The following AADAT variants were observed in gnomAD, a reference collection of about 807,000 sequenced individuals.
AADAT encodes aminoadipate aminotransferase, also known as kynurenine/alpha-aminoadipate aminotransferase, mitochondrial.
Under a neutral mutation model 56.2 loss-of-function variants are expected in AADAT, and 25 were observed. The ratio of observed to expected loss-of-function variants is 0.44; its 90% CI spans 0.32 to 0.62. The LOEUF (loss-of-function observed/expected upper bound fraction) is 0.62, where lower values mean the gene tolerates loss of function less well. Among genes scored for constraint, AADAT ranks in the 20% least tolerant of loss-of-function variants. The pLI is 0.04. For synonymous variants in AADAT, 173 were observed against 164.7 expected (o/e 1.05, Z -0.39); for missense variants, 387 against 510.5 (o/e 0.76, Z 2.33).
chr4:170,076,773 T>C (rs1421815845), intron 4 of AADAT, among the ~76,000 whole-genome samples: 1 of 152,214 alleles, frequency 6.6e-6, no homozygotes, highest in Non-Finnish European at 1.5e-5. Flanking sequence ...TTTTTGGTCA[T>C]ATCTAAAAAA....
At chr4:170,087,302 T>C in intron 2 of AADAT, 54 bp from the exon 3 acceptor site, 1 of 1,514,284 alleles carries the variant, frequency 6.6e-7, no homozygotes, top group Non-Finnish European at 9.1e-7. Flanking sequence ...ATAGTAACAG[T>C]AGTAGACAGG....
intron 2 of AADAT, among the ~76,000 whole-genome samples, chr4:170,088,082 G>C (rs1282748417): frequency 6.6e-6 from 1 of 151,604 alleles, no homozygotes; most frequent in Non-Finnish European, 1.5e-5. Flanking sequence ...AGCTCTAATG[G>C]TATTTCCTTC....
At chr4:170,067,693 A>G (rs1731538901) in intron 8 of AADAT, among the ~76,000 whole-genome samples, 1 of 152,202 alleles carries the variant, frequency 6.6e-6, no homozygotes, top group Non-Finnish European at 1.5e-5. Flanking sequence ...GGGTTAAGTT[A>G]ACTTTTCTGA....
chr4:170,089,222 C>T (rs748567573), intron 1 of AADAT: 24 of 393,456 alleles, frequency 6.1e-5, no homozygotes, highest in South Asian at 4.3e-4. Flanking sequence ...TAGCCCCGAC[C>T]TGTCTGTGAG....
At chr4:170,085,465 A>G (rs1213906350) in intron 3 of AADAT, among the ~76,000 whole-genome samples, 1 of 152,218 alleles carries the variant, frequency 6.6e-6, no homozygotes, top group Non-Finnish European at 1.5e-5. Flanking sequence ...AGTGGAAGAA[A>G]TATTAAACCA....
intron 4 of AADAT, among the ~76,000 whole-genome samples, chr4:170,076,953 G>T (rs963663649): frequency 5.9e-5 from 9 of 152,154 alleles, no homozygotes; most frequent in Non-Finnish European, 1.2e-4. Context: ...CAGCACCACA[G>T]TTGAAGAGAC....
At chr4:170,089,442 C>A in intron 1 of AADAT, 182 bp downstream of exon 1, 1 of 681,140 alleles carries the variant, frequency 1.5e-6, no homozygotes, top group Non-Finnish European at 2.5e-6. Context: ...CCGTTTCAGC[C>A]CGAGTTCTTT....
chr4:170,088,673 G>A (rs567921146), intron 1 of AADAT, 109 bp from the exon 2 acceptor site: 35 of 1,127,386 alleles, frequency 3.1e-5, no homozygotes, highest in South Asian at 2.6e-4. Context: ...GATTTCTAGT[G>A]ATAGAGTGTG....
intron 3 of AADAT, among the ~76,000 whole-genome samples, chr4:170,083,046 A>G (rs1732389651): frequency 6.6e-6 from 1 of 151,036 alleles, no homozygotes; most frequent in Non-Finnish European, 1.5e-5. Context: ...TAATAGACCT[A>G]GTAGACAGTT....
At chr4:170,083,856 C>T (rs1166868710) in intron 3 of AADAT, among the ~76,000 whole-genome samples, 1 of 152,098 alleles carries the variant, frequency 6.6e-6, no homozygotes, top group Non-Finnish European at 1.5e-5. Context: ...AATAGAACTA[C>T]CATATAATCC....
At chr4:170,083,988 T>C (rs1368578493) in intron 3 of AADAT, among the ~76,000 whole-genome samples, 1 of 152,176 alleles carries the variant, frequency 6.6e-6, no homozygotes, top group East Asian at 1.9e-4. Context: ...CCAACCTAAG[T>C]GTCCATCAGC....
chr4:170,081,890 C>T (rs946448874), intron 3 of AADAT, among the ~76,000 whole-genome samples: 1 of 152,098 alleles, frequency 6.6e-6, no homozygotes, highest in Non-Finnish European at 1.5e-5. Context: ...GAGAAGCGAT[C>T]ATCCAAGAAT....
Position 170,089,864 on chromosome 4 carries a change from C to A in AADAT, c.-174G>T. On this transcript the variant is annotated 5_prime_UTR_variant, in exon 1 of 13. Coordinates refer to ENST00000337664, the MANE Select transcript of AADAT (RefSeq NM_016228.4). ...CGGTGCCCGGAGAACGCCGCCGAAA[C>A]TCCCCGGCTGGACGCTGCGTTCGGT... The A allele has an allele frequency of 1.6e-6, 1 of 642,946 alleles. No individual in the cohort carries two copies. The highest frequency in any genetic ancestry group is 1.8e-5 in the South Asian group (1 of 55,282). The allele number at this position is 642,946 out of a possible 1,614,324, so 39.8% of individuals were successfully genotyped here.
chr4:170,077,011 T>G (rs1732070079), intron 4 of AADAT, among the ~76,000 whole-genome samples: 1 of 152,198 alleles, frequency 6.6e-6, no homozygotes, highest in Non-Finnish European at 1.5e-5. Flanking sequence ...TGAAATCAAC[T>G]GGATTTGTGG....
chr4:170,089,133 A>C (rs2111220502), intron 1 of AADAT: 1 of 233,430 alleles, frequency 4.3e-6, no homozygotes, highest in South Asian at 5.1e-5. Context: ...GAGGGACTAA[A>C]GAATGAAGGT....
At position 170,087,413 on chromosome 4, in the gene AADAT, G is replaced by A. The variant is rs949009090; in HGVS notation, c.237-165C>T. ...AATATTCCTATTTAAAAGATAGGCA[G>A]TAGACTTAGAGATTAGGAAATTCCT... On this transcript the variant is annotated intron_variant, in intron 2 of 12. Transcript: ENST00000337664. Among the ~76,000 whole-genome samples the A allele has an allele frequency of 2.0e-4, 31 of 152,198 alleles. 1 individual carries two copies. The highest frequency in any genetic ancestry group is 3.4e-4 in the Non-Finnish European group (23 of 68,038).
chr4:170,060,829 A>C lies in AADAT; in HGVS notation c.*99T>G. ...CAGTGGTGTGATCGTAGCTTACTGC[A>C]GCCTTGAATTCCTGGGTTCAAGTGA... On this transcript the variant is annotated 3_prime_UTR_variant, in exon 13 of 13. Transcript: ENST00000337664. 1.0e-6 allele frequency: 1 copy of C among 996,794 alleles called. No individual in the cohort carries two copies. Among genetic ancestry groups the C allele is most frequent in the Admixed American group, 2.7e-5 (1 of 37,632 alleles). The allele number at this position is 996,794 out of a possible 1,614,324, so 61.7% of individuals were successfully genotyped here.
intron 5 of AADAT, 110 bp downstream of exon 5, chr4:170,073,026 A>G (rs1731849136): frequency 2.0e-6 from 2 of 998,288 alleles, no homozygotes; most frequent in South Asian, 3.5e-5. Context: ...ATTAAAAATT[A>G]TATTCCTTGA....
intron 5 of AADAT, among the ~76,000 whole-genome samples, chr4:170,072,219 G>GTGTA (rs1299179724): frequency 3.6e-4 from 54 of 152,028 alleles, no homozygotes; most frequent in African/African-American, 1.1e-3. Flanking sequence ...GACTGTGTGT[G>GTGTA]TGTATGTGTG....
Sources: gnomAD v4.1 joint callset for allele counts (sites outside exome capture counted in the v4.1 genomes callset) on GRCh38, gnomAD v4.1.1 for gene constraint, MANE v1.5 for transcripts, NCBI Gene and HGNC (gene_info 2026-07-23, HGNC 2026-07-21) for gene names.